PPP6R3: variants seen among roughly 807,000 people sequenced by gnomAD.
PPP6R3 encodes protein phosphatase 6 regulatory subunit 3.
A neutral mutation model predicts 110.7 loss-of-function variants in PPP6R3; 38 were observed. The ratio of observed to expected loss-of-function variants is 0.34; its 90% CI spans 0.26 to 0.45. The LOEUF (loss-of-function observed/expected upper bound fraction) is 0.45, where lower values mean the gene tolerates loss of function less well. Ranked by LOEUF, PPP6R3 falls within the 20% of genes least tolerant of loss-of-function variation. The pLI is 1.00. For synonymous variants in PPP6R3, 369 were observed against 373.5 expected, an observed-to-expected ratio of 0.99 and a Z score of 0.14; for missense variants, 870 against 1,062.4, an observed-to-expected ratio of 0.82 and a Z score of 2.52.
chr11:68,510,006 G>A (rs2099100615), intron 1 of PPP6R3, among the ~76,000 whole-genome samples: 1 of 149,128 alleles, frequency 6.7e-6, no homozygotes, highest in African/African-American at 2.5e-5. Context: ...ACCTGATTTG[G>A]CACCTCCCAA....
At chr11:68,537,587 C>T in intron 2 of PPP6R3, 72 bp from the exon 3 acceptor site, 1 of 1,056,312 alleles carries the variant, frequency 9.5e-7, no homozygotes, top group Non-Finnish European at 1.4e-6. Context: ...TAAAACTGAA[C>T]TGAAATATGA....
At chr11:68,463,190 G>A (rs943245365) in intron 1 of PPP6R3, among the ~76,000 whole-genome samples, 1 of 151,858 alleles carries the variant, frequency 6.6e-6, no homozygotes, top group Non-Finnish European at 1.5e-5. Flanking sequence ...GCCAACATGT[G>A]AAACCTTGTC....
At chr11:68,478,952 G>A (rs113681184) in intron 1 of PPP6R3, among the ~76,000 whole-genome samples, 1,900 of 152,074 alleles carry the variant, frequency 0.012, 15 homozygotes, top group African/African-American at 0.029. Flanking sequence ...CACCATGCCC[G>A]GCCAGTCTGA....
At position 68,500,706 on chromosome 11, in the gene PPP6R3, G is replaced by C. The variant is rs1179921274; in HGVS notation, c.-157-18795G>C. On this transcript the variant is annotated intron_variant, in intron 1 of 23. Coordinates refer to ENST00000393800, the MANE Select transcript of PPP6R3 (RefSeq NM_001164161.2). ...TTGGCCAGGCTGGTCTTGAACTCCT[G>C]ACCTCGTGATCTGCCTGCCTTGGCC... Among the ~76,000 whole-genome samples the C allele has an allele frequency of 4.6e-4, 70 of 152,160 alleles. 2 individuals are homozygous for C. The highest frequency in any genetic ancestry group is 4.6e-3 in the Admixed American group (70 of 15,276).
chr11:68,549,134 G>A (rs955660991), intron 5 of PPP6R3, among the ~76,000 whole-genome samples: 19 of 152,084 alleles, frequency 1.2e-4, no homozygotes, highest in Non-Finnish European at 1.8e-4. Context: ...CAGGTGATCC[G>A]CCCGCCTGGG....
chr11:68,584,996 T>A (rs1284648302), intron 15 of PPP6R3, among the ~76,000 whole-genome samples: 1 of 152,222 alleles, frequency 6.6e-6, no homozygotes, highest in Non-Finnish European at 1.5e-5. Context: ...AGAATATTAG[T>A]TTGTAGACTT....
At chr11:68,554,074 C>T in intron 6 of PPP6R3, 71 bp from the exon 7 acceptor site, 1 of 1,165,376 alleles carries the variant, frequency 8.6e-7, no homozygotes, top group South Asian at 1.5e-5. Flanking sequence ...AATAACTTTC[C>T]CTTTCATTTT....
chr11:68,549,304 G>T (rs7104345), intron 5 of PPP6R3, among the ~76,000 whole-genome samples: 1 of 152,096 alleles, frequency 6.6e-6, no homozygotes. Flanking sequence ...AATGAGTTTT[G>T]TTGAGAATGC....
chr11:68,579,333 T>G (rs1195476556), intron 14 of PPP6R3, among the ~76,000 whole-genome samples: 1 of 152,218 alleles, frequency 6.6e-6, no homozygotes, highest in Non-Finnish European at 1.5e-5. Flanking sequence ...TCATCCAAAG[T>G]AAACACCAAT....
At chr11:68,483,034 G>C (rs1000237112) in intron 1 of PPP6R3, among the ~76,000 whole-genome samples, 6 of 152,084 alleles carry the variant, frequency 3.9e-5, no homozygotes, top group Admixed American at 6.5e-5. Flanking sequence ...AAACAATTCA[G>C]CTGGCTTTTA....
chr11:68,533,674 C>G (rs564740717), intron 2 of PPP6R3, among the ~76,000 whole-genome samples: 64 of 135,410 alleles, frequency 4.7e-4, no homozygotes, highest in African/African-American at 1.8e-3. Flanking sequence ...CACTGCACAC[C>G]AGCCTGGGTG....
intron 5 of PPP6R3, among the ~76,000 whole-genome samples, chr11:68,549,424 G>A (rs1366686918): frequency 3.9e-5 from 6 of 152,178 alleles, no homozygotes; most frequent in African/African-American, 1.4e-4. Context: ...TGTGCCAGGT[G>A]TGCATTTATG....
At chr11:68,563,887 C>G (rs1385279886) in intron 8 of PPP6R3, among the ~76,000 whole-genome samples, 1 of 152,146 alleles carries the variant, frequency 6.6e-6, no homozygotes, top group African/African-American at 2.4e-5. Flanking sequence ...TGTTGATTAT[C>G]TAAGAAAAAC....
At chr11:68,559,929 T>TGCTA in intron 8 of PPP6R3, among the ~76,000 whole-genome samples, 1 of 135,968 alleles carries the variant, frequency 7.4e-6, no homozygotes, top group Non-Finnish European at 1.6e-5. Flanking sequence ...GGTGCCCTCT[T>TGCTA]CTCACCCCAG....
chr11:68,534,054 G>A, intron 2 of PPP6R3, among the ~76,000 whole-genome samples: 1 of 152,174 alleles, frequency 6.6e-6, no homozygotes, highest in Non-Finnish European at 1.5e-5. Context: ...AGATACAGGT[G>A]AAGGACCATG....
chr11:68,537,800 G>A lies in PPP6R3; in HGVS notation c.136G>A (p.Glu46Lys). ...TAAAGCTCAGAACCGCAAACTTATA[G>A]AGTTTCTGTTAAAAGCAGAATGTCT... ...ECKAQNRKLI[E>K]FLLKAECLED... Residue 46 changes from glutamate (E) to lysine (K), a missense_variant, in exon 3 of 24, where the codon GAG becomes AAG. Coordinates refer to ENST00000393800, the MANE Select transcript of PPP6R3 (RefSeq NM_001164161.2). 6.2e-7 allele frequency: 1 copy of A among 1,614,012 alleles called. No individual in the cohort carries two copies. Among genetic ancestry groups the A allele is most frequent in the Non-Finnish European group, 8.5e-7 (1 of 1,179,884 alleles).
chr11:68,579,921 T>C (rs754299966), intron 14 of PPP6R3, among the ~76,000 whole-genome samples: 9 of 152,220 alleles, frequency 5.9e-5, no homozygotes, highest in Non-Finnish European at 1.0e-4. Flanking sequence ...CTCTATGATG[T>C]TCGCATGATG....
chr11:68,490,168 C>G (rs1591920501), intron 1 of PPP6R3, among the ~76,000 whole-genome samples: 1 of 152,152 alleles, frequency 6.6e-6, no homozygotes, highest in Admixed American at 6.5e-5. Context: ...TTTTGTTTGT[C>G]TCTTTCACTT....
At chr11:68,596,350 T>G in intron 19 of PPP6R3, 132 bp downstream of exon 19, 1 of 1,255,802 alleles carries the variant, frequency 8.0e-7, no homozygotes, top group Non-Finnish European at 1.1e-6. Flanking sequence ...TGTTGTCAAG[T>G]GAATTCCTCT....
Sources: gnomAD v4.1 joint callset for allele counts (sites outside exome capture counted in the v4.1 genomes callset) on GRCh38, gnomAD v4.1.1 for gene constraint, MANE v1.5 for transcripts, NCBI Gene and HGNC (gene_info 2026-07-23, HGNC 2026-07-21) for gene names.